The following TRA2A variants were observed in gnomAD, a reference collection of about 807,000 sequenced individuals.
TRA2A encodes transformer-2 protein homolog alpha.
TRA2A carries 31 observed loss-of-function variants against 45.7 expected under a neutral mutation model. The ratio of observed to expected loss-of-function variants is 0.68; its 90% CI spans 0.51 to 0.92. The LOEUF (loss-of-function observed/expected upper bound fraction) is 0.92, where lower values mean the gene tolerates loss of function less well. TRA2A is among the 40% of genes least tolerant of loss of function. The probability of loss-of-function intolerance (pLI) is 0.00; values close to 1 mark genes in which losing one functional copy is unlikely to be tolerated. For missense variants in TRA2A, 304 were observed against 367.5 expected (o/e 0.83, Z 1.41); for synonymous variants, 132 against 126.2 (o/e 1.05, Z -0.31).
intron 3 of TRA2A, among the ~76,000 whole-genome samples, chr7:23,514,522 T>TAC (rs1327092606): frequency 6.6e-6 from 1 of 152,198 alleles, no homozygotes; most frequent in African/African-American, 2.4e-5. Flanking sequence ...TCAAATGCTT[T>TAC]ACATCCCTTA....
At chr7:23,522,446 G>C (rs1790169678) in intron 1 of TRA2A, 1 of 1,204,252 alleles carries the variant, frequency 8.3e-7, no homozygotes, top group South Asian at 1.5e-5. Context: ...AATGGAAAAA[G>C]AACATTTAGT....
chr7:23,524,356 G>A (rs1374281216), intron 1 of TRA2A, among the ~76,000 whole-genome samples: 1 of 151,972 alleles, frequency 6.6e-6, no homozygotes, highest in Non-Finnish European at 1.5e-5. Context: ...GCTAATTTTT[G>A]TATTTTTAAT....
chr7:23,529,196 A>T (rs1425775888), intron 1 of TRA2A, among the ~76,000 whole-genome samples: 1 of 152,200 alleles, frequency 6.6e-6, no homozygotes, highest in Non-Finnish European at 1.5e-5. Context: ...TTTTATCAAG[A>T]CATGCAAAGC....
At chr7:23,505,909 C>A in intron 6 of TRA2A, 96 bp from the exon 7 acceptor site, 1 of 805,262 alleles carries the variant, frequency 1.2e-6, no homozygotes, top group Non-Finnish European at 1.9e-6. Flanking sequence ...AATAATGTAC[C>A]TAAGGTGATA....
chr7:23,507,605 GCA>G (rs1311938052), intron 4 of TRA2A, 70 bp from the exon 5 acceptor site: 33 of 1,096,764 alleles, frequency 3.0e-5, no homozygotes, highest in Non-Finnish European at 4.2e-6. Flanking sequence ...TTAAAATTAA[GCA>G]CAAAGTATAT....
At chr7:23,531,653 T>C in intron 1 of TRA2A, 136 bp downstream of exon 1, 1 of 875,642 alleles carries the variant, frequency 1.1e-6, no homozygotes, top group Non-Finnish European at 1.8e-6. Context: ...CATCTTGGGA[T>C]GGGAGGAATC....
chr7:23,517,505 G>T (rs1284028626), intron 2 of TRA2A, among the ~76,000 whole-genome samples: 12 of 56,106 alleles, frequency 2.1e-4, no homozygotes, highest in African/African-American at 8.1e-4. Flanking sequence ...AAAAAAAAAA[G>T]AGAGAAAGAA....
At chr7:23,530,096 T>C (rs1036647014) in intron 1 of TRA2A, among the ~76,000 whole-genome samples, 1 of 152,172 alleles carries the variant, frequency 6.6e-6, no homozygotes, top group African/African-American at 2.4e-5. Flanking sequence ...GAAAGTTAAT[T>C]GAAGGAATGT....
intron 4 of TRA2A, among the ~76,000 whole-genome samples, chr7:23,510,473 G>A (rs1789548375): frequency 6.6e-6 from 1 of 151,624 alleles, no homozygotes; most frequent in Admixed American, 6.6e-5. Context: ...TGGGGTTACA[G>A]GCGCTTGCCA....
At chr7:23,529,710 T>C (rs140269545) in intron 1 of TRA2A, among the ~76,000 whole-genome samples, 12 of 152,324 alleles carry the variant, frequency 7.9e-5, no homozygotes, top group East Asian at 3.9e-4. Context: ...CAAGCACTAG[T>C]TGATTTACAC....
At chr7:23,512,773 TAAAAAAAA>T (rs201252500) in intron 4 of TRA2A, 113 bp downstream of exon 4, 9 of 706,262 alleles carry the variant, frequency 1.3e-5, no homozygotes, top group Admixed American at 4.0e-5. Flanking sequence ...ATCCTATCTT[TAAAAAAAA>T]AAAAAAGAAA....
intron 1 of TRA2A, among the ~76,000 whole-genome samples, chr7:23,527,102 T>C (rs1790370414): frequency 6.6e-6 from 1 of 152,304 alleles, no homozygotes; most frequent in East Asian, 1.9e-4. Context: ...TTGTAAGGAC[T>C]AATGTGATTT....
chr7:23,531,792 G>C lies in TRA2A; in HGVS notation c.33C>G (p.Gly11=). Residue 11 remains glycine (G), a synonymous_variant, in exon 1 of 8, where the codon GGC becomes GGG. Coordinates refer to ENST00000297071, the MANE Select transcript of TRA2A (RefSeq NM_013293.5). The part of the protein sequence containing the change: MSDVEENNFE[G]RESRSQSKSP... ...GCTCCCGCGGCTTTGTACTCACTCT[G>C]CCCTCGAAGTTGTTTTCCTCCACAT... The C allele has an allele frequency of 6.2e-7, 1 of 1,613,576 alleles. No homozygotes were observed. Among genetic ancestry groups the C allele is most frequent in the Admixed American group, 1.7e-5 (1 of 60,028 alleles).
At chr7:23,513,615 GTT>G (rs1255106598) in intron 3 of TRA2A, among the ~76,000 whole-genome samples, 1 of 152,070 alleles carries the variant, frequency 6.6e-6, no homozygotes, top group African/African-American at 2.4e-5. Flanking sequence ...TGTTAGAAAT[GTT>G]TGTTTCTCGG....
intron 2 of TRA2A, 36 bp downstream of exon 2, chr7:23,521,671 G>A (rs973621682): frequency 6.2e-7 from 1 of 1,604,790 alleles, no homozygotes. Context: ...AAAAACCCCA[G>A]AAGAATATTT....
chr7:23,506,868 G>C (rs758340832), intron 5 of TRA2A, among the ~76,000 whole-genome samples: 2 of 151,932 alleles, frequency 1.3e-5, no homozygotes, highest in African/African-American at 4.8e-5. Context: ...CCCTGCCTCC[G>C]GGGTTCATGC....
intron 6 of TRA2A, 60 bp from the exon 7 acceptor site, chr7:23,505,873 A>C: frequency 9.3e-7 from 1 of 1,079,528 alleles, no homozygotes; most frequent in Non-Finnish European, 1.3e-6. Flanking sequence ...GGCAGATGAA[A>C]ATAAAAATTC....
In TRA2A at chr7:23,528,685, C is replaced by T. The variant is rs75931616; in HGVS notation, c.36+3104G>A. 2.0e-3 allele frequency among the ~76,000 whole-genome samples: 289 copies of T among 143,558 alleles called. 1 individual carries two copies. Among genetic ancestry groups the T allele is most frequent in the Non-Finnish European group, 3.0e-3 (198 of 65,714 alleles). 94.2% of individuals were successfully genotyped at this position (143,558 alleles called of 152,430 possible). On this transcript the variant is annotated intron_variant, in intron 1 of 7. Transcript: ENST00000297071. Reference sequence around the variant, plus strand: ...TAAATTTGTTTGCCTTTTTTTTTTTCGAGACAGAGTCTTGCTCTGTCGCCC... The same window carrying T: ...TAAATTTGTTTGCCTTTTTTTTTTTTGAGACAGAGTCTTGCTCTGTCGCCC...
rs192239390 is a variant in TRA2A, at chr7:23,520,424, T to C, written c.170+1283A>G. Reference sequence around the variant, plus strand: ...GCCCTAAGGCAAAAACATGCTCCTTTCTATTTCTAAGCTCAAATTCTAGCC... The same window carrying C: ...GCCCTAAGGCAAAAACATGCTCCTTCCTATTTCTAAGCTCAAATTCTAGCC... On this transcript the variant is annotated intron_variant, in intron 2 of 7. Transcript: ENST00000297071. Among the ~76,000 whole-genome samples the C allele has an allele frequency of 2.3e-3, 354 of 152,350 alleles. 1 individual carries two copies. Among genetic ancestry groups the C allele is most frequent in the African/African-American group, 8.2e-3 (342 of 41,576 alleles).
Sources: allele counts gnomAD v4.1 joint callset (sites outside exome capture counted in the v4.1 genomes callset), GRCh38; gene constraint gnomAD v4.1.1; transcripts MANE v1.5; gene names NCBI Gene and HGNC (gene_info 2026-07-23, HGNC 2026-07-21).